Variants in ADGRV1 observed in about 807,000 individuals in gnomAD.
ADGRV1 encodes G-protein coupled receptor 98.
In ADGRV1, 359 loss-of-function variants were observed where a neutral mutation model predicts 596.2. The observed-to-expected ratio is 0.60, with a 90% CI of 0.55 to 0.66. ADGRV1 has a LOEUF of 0.66. Ranked by LOEUF, ADGRV1 falls within the 30% of genes least tolerant of loss-of-function variation. The pLI is 0.00. For synonymous variants in ADGRV1, 2,681 were observed against 2,679.2 expected (o/e 1.00, Z -0.02); for missense variants, 7,274 against 7,575.6 (o/e 0.96, Z 1.48).
chr5:90,923,015 A>G (rs1229866674), intron 83 of ADGRV1, among the ~76,000 whole-genome samples: 4 of 142,998 alleles, frequency 2.8e-5, no homozygotes, highest in Non-Finnish European at 4.7e-5. Context: ...GTCTTATCTA[A>G]TGGTCCTATA....
chr5:90,694,454 T>C lies in ADGRV1; in HGVS notation c.7698T>C (p.Ser2566=). Residue 2566 remains serine, a synonymous_variant, in exon 33 of 90, where the codon TCT becomes TCC. Coordinates refer to ENST00000405460, the MANE Select transcript of ADGRV1 (RefSeq NM_032119.4). ...CAACCATAGGACAGCCAAATATTTC[T>C]ACAGTTGTCATAGCACTAAATGGTG... ...NQPTIGQPNI[S]TVVIALNGDA... The C allele has an allele frequency of 1.2e-6, 2 of 1,613,960 alleles. No homozygotes were observed. The highest frequency in any genetic ancestry group is 1.7e-6 in the Non-Finnish European group (2 of 1,179,848).
intron 71 of ADGRV1, among the ~76,000 whole-genome samples, chr5:90,804,671 G>C (rs1761732517): frequency 1.3e-5 from 2 of 152,056 alleles, no homozygotes; most frequent in South Asian, 4.1e-4. Context: ...GTGAAGCCAG[G>C]AATCTGCTTT....
At chr5:90,647,010 G>A (rs1433864437) in intron 16 of ADGRV1, among the ~76,000 whole-genome samples, 1 of 152,030 alleles carries the variant, frequency 6.6e-6, no homozygotes, top group African/African-American at 2.4e-5. Context: ...TTGACCTTGT[G>A]ATCTGCCCGC....
chr5:90,755,012 G>C lies in ADGRV1; in HGVS notation c.11407G>C (p.Ala3803Pro), dbSNP rs762944809. ...CACCACCACTCTTCAGTTACAAATA[G>C]CTCGAGATAAAGGACTACTTGGGGA... ...ENTTTLQLQI[A>P]RDKGLLGDIA... The change falls in exon 55 of 90, where the codon GCT (alanine) becomes CCT (proline). Residue 3803 changes from alanine to proline, a missense_variant. Physicochemically the swap from Ala to Pro is conservative, Grantham distance 27 (BLOSUM62 -1). Coordinates refer to ENST00000405460, the MANE Select transcript of ADGRV1 (RefSeq NM_032119.4). The C allele has an allele frequency of 6.2e-7, 1 of 1,613,122 alleles. No individual in the cohort carries two copies. The highest frequency in any genetic ancestry group is 8.5e-7 in the Non-Finnish European group (1 of 1,179,210).
chr5:90,617,678 C>A, intron 2 of ADGRV1, 126 bp from the exon 3 acceptor site: 1 of 713,832 alleles, frequency 1.4e-6, no homozygotes, highest in Non-Finnish European at 2.2e-6. Context: ...TGTTTTTGTA[C>A]ACCCTATCTA....
At chr5:90,823,383 T>C (rs746143437) in intron 75 of ADGRV1, 42 bp from the exon 76 acceptor site, 3 of 1,594,292 alleles carry the variant, frequency 1.9e-6, no homozygotes, top group Non-Finnish European at 2.6e-6. Context: ...GACATGGGGA[T>C]GACACCCTCT....
intron 13 of ADGRV1, among the ~76,000 whole-genome samples, 181 bp downstream of exon 13, chr5:90,643,222 A>ATTAAG (rs1466220534): frequency 1.3e-5 from 2 of 152,168 alleles, no homozygotes; most frequent in African/African-American, 4.8e-5. Context: ...ACTCATTCAT[A>ATTAAG]TTAGAATGGT....
chr5:90,807,580 G>A (rs1401499121), intron 72 of ADGRV1, 22 bp from the exon 73 acceptor site: 2 of 1,601,250 alleles, frequency 1.2e-6, no homozygotes, highest in Non-Finnish European at 1.7e-6. Flanking sequence ...ACCCTACTTT[G>A]CTTTTTCATG....
intron 83 of ADGRV1, among the ~76,000 whole-genome samples, chr5:90,884,633 T>C (rs1770110585): frequency 6.6e-6 from 1 of 152,206 alleles, no homozygotes; most frequent in Non-Finnish European, 1.5e-5. Context: ...GTGATTACTC[T>C]GCCCTCTTCC....
chr5:90,831,531 C>G (rs997220092), intron 77 of ADGRV1, among the ~76,000 whole-genome samples: 1 of 152,082 alleles, frequency 6.6e-6, no homozygotes, highest in African/African-American at 2.4e-5. Flanking sequence ...GGGGTATCCA[C>G]CACCTCAAGC....
rs560000571 is a variant in ADGRV1, at chr5:90,612,062, T to C, written c.23-2773T>C. Reference sequence around the variant, plus strand: ...ACAGAATTTGAGGCATTTCCAATCATGCCTGTGTGCTCATTTTGCATAATC... The same window carrying C: ...ACAGAATTTGAGGCATTTCCAATCACGCCTGTGTGCTCATTTTGCATAATC... On this transcript the variant is annotated intron_variant, in intron 1 of 89. Coordinates refer to ENST00000405460, the MANE Select transcript of ADGRV1 (RefSeq NM_032119.4). Among the ~76,000 whole-genome samples the C allele has an allele frequency of 1.3e-3, 203 of 152,178 alleles. 1 individual carries two copies. Among genetic ancestry groups the C allele is most frequent in the African/African-American group, 4.7e-3 (194 of 41,556 alleles).
chr5:91,114,122 G>A (rs1439946785), intron 87 of ADGRV1, among the ~76,000 whole-genome samples: 1 of 152,108 alleles, frequency 6.6e-6, no homozygotes, highest in Admixed American at 6.5e-5. Flanking sequence ...GAGAGGCTGA[G>A]GCAGGAGAAT....
At chr5:90,754,931 C>A in intron 54 of ADGRV1, 52 bp from the exon 55 acceptor site, 2 of 1,276,094 alleles carry the variant, frequency 1.6e-6, no homozygotes, top group Non-Finnish European at 2.3e-6. Context: ...CTTGTAACAG[C>A]ATTGACAGCA....
At chr5:90,711,633 C>T (rs1310924719) in intron 41 of ADGRV1, among the ~76,000 whole-genome samples, 1 of 152,078 alleles carries the variant, frequency 6.6e-6, no homozygotes, top group East Asian at 1.9e-4. Context: ...ATAATCTTCC[C>T]AGAATGTTTC....
At chr5:90,691,184 G>A in intron 31 of ADGRV1, 143 bp downstream of exon 31, 1 of 1,077,444 alleles carries the variant, frequency 9.3e-7, no homozygotes, top group Non-Finnish European at 1.4e-6. Context: ...TAGTGTGAAA[G>A]TGATCCTTAC....
chr5:90,588,261 GGTAAAT>G (rs1759034900), intron 1 of ADGRV1, among the ~76,000 whole-genome samples: 1 of 152,102 alleles, frequency 6.6e-6, no homozygotes, highest in Non-Finnish European at 1.5e-5. Flanking sequence ...GAAAAGAATG[GGTAAAT>G]GGAAGTGAGC....
intron 88 of ADGRV1, among the ~76,000 whole-genome samples, chr5:91,151,073 A>G (rs572630676): frequency 1.3e-5 from 2 of 152,330 alleles, no homozygotes; most frequent in East Asian, 3.9e-4. Context: ...ATTTGTGTTT[A>G]CTTCCTGAAA....
intron 50 of ADGRV1, among the ~76,000 whole-genome samples, chr5:90,733,404 T>C (rs2149838854): frequency 6.6e-6 from 1 of 152,280 alleles, no homozygotes; most frequent in South Asian, 2.1e-4. Flanking sequence ...GTTAAAGGTT[T>C]GGATTTTGGA....
chr5:91,081,507 G>T (rs1179543717), intron 86 of ADGRV1, among the ~76,000 whole-genome samples: 6 of 152,266 alleles, frequency 3.9e-5, no homozygotes, highest in African/African-American at 1.4e-4. Flanking sequence ...TCAGGAGCTG[G>T]GCATGGTGAC....
Sources: allele counts gnomAD v4.1 joint callset (sites outside exome capture counted in the v4.1 genomes callset), GRCh38; gene constraint gnomAD v4.1.1; transcripts MANE v1.5; gene names NCBI Gene and HGNC (gene_info 2026-07-23, HGNC 2026-07-21).